UNC13C: variants seen among roughly 807,000 people sequenced by gnomAD.
UNC13C encodes the protein unc-13 homolog C.
UNC13C carries 174 observed loss-of-function variants against 245.4 expected under a neutral mutation model. The ratio of observed to expected loss-of-function variants is 0.71; its 90% CI spans 0.63 to 0.80. UNC13C has a LOEUF of 0.80. UNC13C is among the 30% of genes least tolerant of loss of function. The pLI is 0.00. For missense variants in UNC13C, 2,829 were observed against 2,602.9 expected (o/e 1.09, Z -1.89); for synonymous variants, 992 against 895.1 (o/e 1.11, Z -1.93).
the UNC13C span, among the ~76,000 whole-genome samples, chr15:53,851,807 T>A: frequency 2.6e-5 from 4 of 152,026 alleles, no homozygotes; most frequent in African/African-American, 9.7e-5. Flanking sequence ...GAAGACAGAG[T>A]TTGAGAGCTT....
chr15:54,617,403 C>G (rs563468355), intron 30 of UNC13C, among the ~76,000 whole-genome samples: 1 of 152,028 alleles, frequency 6.6e-6, no homozygotes, highest in East Asian at 1.9e-4. Flanking sequence ...GTTCAATGAG[C>G]ATCAGAGCAC....
intron 26 of UNC13C, among the ~76,000 whole-genome samples, chr15:54,542,043 C>T (rs1414173841): frequency 6.6e-6 from 1 of 151,932 alleles, no homozygotes; most frequent in African/African-American, 2.4e-5. Flanking sequence ...GCTGCTGTAA[C>T]ATGGGTGAAA....
intron 19 of UNC13C, among the ~76,000 whole-genome samples, chr15:54,462,599 C>G (rs894673394): frequency 2.0e-5 from 3 of 152,254 alleles, no homozygotes; most frequent in Admixed American, 2.0e-4. Context: ...AGCACCTGGG[C>G]CAGCAGCTGC....
intron 2 of UNC13C, among the ~76,000 whole-genome samples, chr15:54,080,013 T>C (rs1162152338): frequency 6.6e-6 from 1 of 150,420 alleles, no homozygotes; most frequent in Non-Finnish European, 1.5e-5. Flanking sequence ...GCGGTTTTTT[T>C]TTTTTTTTAT....
the UNC13C span, among the ~76,000 whole-genome samples, chr15:53,845,475 G>T: frequency 4.6e-5 from 7 of 152,080 alleles, no homozygotes; most frequent in African/African-American, 1.7e-4. Flanking sequence ...CTCCTACTTT[G>T]CCTACAGCCT....
chr15:53,907,526 C>G, the UNC13C span, among the ~76,000 whole-genome samples: 1 of 152,004 alleles, frequency 6.6e-6, no homozygotes, highest in Non-Finnish European at 1.5e-5. Context: ...TTGAGTATTC[C>G]TCTTATATTT....
intron 19 of UNC13C, among the ~76,000 whole-genome samples, chr15:54,436,926 T>G (rs1281622279): frequency 6.6e-6 from 1 of 151,942 alleles, no homozygotes; most frequent in African/African-American, 2.4e-5. Flanking sequence ...ATGAAAAAAT[T>G]ATAAGCAAAA....
intron 17 of UNC13C, among the ~76,000 whole-genome samples, chr15:54,382,718 A>C (rs1281404156): frequency 6.6e-6 from 1 of 152,172 alleles, no homozygotes; most frequent in Non-Finnish European, 1.5e-5. Flanking sequence ...AGGTGAGAGC[A>C]GAACTAAACA....
At chr15:54,629,434 A>AAAG (rs765089845), downstream of UNC13C, 15 of 152,300 alleles carry the variant, frequency 9.8e-5, no homozygotes, top group African/African-American at 1.4e-4. Context: ...ATCTAAAATA[A>AAAG]AAGTTTTTAA....
chr15:54,013,118 C>T lies in UNC13C; in HGVS notation c.215C>T (p.Thr72Ile). The part of the protein sequence containing the change: ...TVKKIAKCSS[T>I]HNLSTEEDEA... Reference sequence around the variant, plus strand: ...AAGAAGATTGCAAAGTGTTCATCCACTCACAACTTATCCACTGAGGAAGAC... The same window carrying T: ...AAGAAGATTGCAAAGTGTTCATCCATTCACAACTTATCCACTGAGGAAGAC... The change falls in exon 2 of 33, where the codon ACT becomes ATT. Residue 72 changes from threonine to isoleucine, a missense_variant. By Grantham distance (89) the Thr-to-Ile change is moderately conservative. Transcript: ENST00000260323. 6.2e-7 allele frequency: 1 copy of T among 1,613,932 alleles called. No individual in the cohort carries two copies. Among genetic ancestry groups the T allele is most frequent in the Non-Finnish European group, 8.5e-7 (1 of 1,179,872 alleles).
chr15:54,520,467 G>A (rs1021799868), intron 24 of UNC13C, among the ~76,000 whole-genome samples: 5 of 152,268 alleles, frequency 3.3e-5, no homozygotes, highest in African/African-American at 1.2e-4. Context: ...TGATTCTCAG[G>A]CATGCTGTTA....
chr15:54,333,841 C>T lies in UNC13C; in HGVS notation c.4569C>T (p.Thr1523=), dbSNP rs2038503884. 4 of 1,602,004 alleles carry T rather than the reference C, an allele frequency of 2.5e-6. No individual in the cohort carries two copies. The highest frequency in any genetic ancestry group is 3.4e-6 in the Non-Finnish European group (4 of 1,173,216). ...CTGTTGACCTGTTAACAAGTATCAC[C>T]TTTTTTAGGATGAAGGTATCTCATT... is the stretch of plus-strand genomic sequence containing the variant. ...KSTVDLLTSI[T]FFRMKVLELQ... The change falls in exon 16 of 33, where the codon ACC becomes ACT. Residue 1523 remains threonine (T), a synonymous_variant. Transcript: ENST00000260323.
chr15:54,038,124 A>AAATTTTTTTTTTTTTTTT (rs1555406259), intron 2 of UNC13C, among the ~76,000 whole-genome samples: 4 of 45,040 alleles, frequency 8.9e-5, no homozygotes, highest in African/African-American at 4.2e-4. Flanking sequence ...ATATATATAT[A>AAATTTTTTTTTTTTTTTT]TTTTTTTTTT....
At chr15:54,431,140 T>C (rs2040863942) in intron 19 of UNC13C, among the ~76,000 whole-genome samples, 2 of 151,920 alleles carry the variant, frequency 1.3e-5, no homozygotes, top group South Asian at 4.1e-4. Context: ...TTTTTGAATG[T>C]TTGCATTTGT....
chr15:54,045,220 T>C (rs150631685), intron 2 of UNC13C, among the ~76,000 whole-genome samples: 88 of 152,316 alleles, frequency 5.8e-4, no homozygotes, highest in African/African-American at 2.0e-3. Flanking sequence ...TGTTTTGAGT[T>C]AATTTTTGCA....
chr15:54,540,719 T>C (rs74014206), intron 26 of UNC13C, among the ~76,000 whole-genome samples: 4,748 of 152,190 alleles, frequency 0.031, 245 homozygotes, highest in African/African-American at 0.11. Context: ...CCTTCACAAA[T>C]TGAGGTGTAA....
At chr15:54,266,771 A>G (rs969075172) in intron 10 of UNC13C, among the ~76,000 whole-genome samples, 1 of 152,018 alleles carries the variant, frequency 6.6e-6, no homozygotes, top group East Asian at 1.9e-4. Flanking sequence ...GTGCCCCAAA[A>G]TATTCTTTAT....
the UNC13C span, among the ~76,000 whole-genome samples, chr15:53,949,792 C>T: frequency 6.6e-6 from 1 of 152,162 alleles, no homozygotes; most frequent in Non-Finnish European, 1.5e-5. Context: ...TGGGAATTTG[C>T]ACTTTATAGT....
chr15:54,631,073 A>G (rs1183890761), downstream of UNC13C: 2 of 152,200 alleles, frequency 1.3e-5, no homozygotes, highest in Admixed American at 6.5e-5. Context: ...GGCTAGGCAC[A>G]GTGGCTCACA....
Sources: gnomAD v4.1 joint callset for allele counts (sites outside exome capture counted in the v4.1 genomes callset) on GRCh38, gnomAD v4.1.1 for gene constraint, MANE v1.5 for transcripts, NCBI Gene and HGNC (gene_info 2026-07-23, HGNC 2026-07-21) for gene names.